The following SH3BGRL2 variants were observed in gnomAD, a reference collection of about 807,000 sequenced individuals.
The protein encoded by SH3BGRL2 is SH3 domain-binding glutamic acid-rich-like protein 2.
Under a neutral mutation model 14.8 loss-of-function variants are expected in SH3BGRL2, and 21 were observed. The observed-to-expected ratio is 1.42, with a 90% CI of 1.01 to 2.05. SH3BGRL2 has a LOEUF of 2.05. SH3BGRL2 is among the 30% of genes most tolerant of loss of function. SH3BGRL2 has a pLI of 0.00. For missense variants in SH3BGRL2, 147 were observed against 130.8 expected (o/e 1.12, Z -0.61); for synonymous variants, 50 against 47.8 (o/e 1.05, Z -0.19).
At chr6:79,696,439 A>T (rs1226988672) in intron 2 of SH3BGRL2, 46 bp from the exon 3 acceptor site, 1 of 1,354,312 alleles carries the variant, frequency 7.4e-7, no homozygotes, top group Non-Finnish European at 1.0e-6. Context: ...TATAAAGATA[A>T]TTGTTTGCTT....
intron 2 of SH3BGRL2, 139 bp from the exon 3 acceptor site, chr6:79,696,346 C>T (rs1770331826): frequency 3.4e-6 from 2 of 589,272 alleles, no homozygotes; most frequent in Non-Finnish European, 5.8e-6. Flanking sequence ...ACTAATTCAG[C>T]AGATTTATTT....
At chr6:79,602,012 G>A in the SH3BGRL2 span, among the ~76,000 whole-genome samples, 12 of 152,132 alleles carry the variant, frequency 7.9e-5, no homozygotes, top group South Asian at 8.3e-4. Flanking sequence ...CTTCCTAGCC[G>A]CCAAAGTAAA....
the SH3BGRL2 span, among the ~76,000 whole-genome samples, chr6:79,580,854 G>C: frequency 0.097 from 14,755 of 152,148 alleles, 830 homozygotes; most frequent in Non-Finnish European, 0.12. Context: ...CCAGGAGCTG[G>C]TTTCTTTAAA....
At chr6:79,666,828 G>T (rs1161122283) in intron 1 of SH3BGRL2, among the ~76,000 whole-genome samples, 1 of 152,190 alleles carries the variant, frequency 6.6e-6, no homozygotes, top group Non-Finnish European at 1.5e-5. Flanking sequence ...AATAAAGAAA[G>T]CTGTGTGTTT....
chr6:79,541,861 C>T, the SH3BGRL2 span, among the ~76,000 whole-genome samples: 1 of 152,264 alleles, frequency 6.6e-6, no homozygotes, highest in South Asian at 2.1e-4. Flanking sequence ...GTCTGGTGGG[C>T]TTGTTTTCAC....
intron 2 of SH3BGRL2, among the ~76,000 whole-genome samples, chr6:79,678,419 T>C (rs986906375): frequency 2.0e-5 from 3 of 152,198 alleles, no homozygotes; most frequent in Non-Finnish European, 4.4e-5. Context: ...TTCTTTCACT[T>C]AGCATATCTT....
chr6:79,652,334 T>C (rs1769313104), intron 1 of SH3BGRL2, among the ~76,000 whole-genome samples: 1 of 152,204 alleles, frequency 6.6e-6, no homozygotes, highest in African/African-American at 2.4e-5. Context: ...TACTGAGTAA[T>C]TTTATCAACT....
the SH3BGRL2 span, among the ~76,000 whole-genome samples, chr6:79,578,072 G>A: frequency 1.3e-5 from 2 of 152,382 alleles, no homozygotes; most frequent in African/African-American, 4.8e-5. Flanking sequence ...TGGGAGAGGG[G>A]CATCTGCCAT....
At chr6:79,657,723 TCTCCTGCCTCAGC>T (rs1041060271) in intron 1 of SH3BGRL2, among the ~76,000 whole-genome samples, 2 of 152,054 alleles carry the variant, frequency 1.3e-5, no homozygotes, top group African/African-American at 4.8e-5. Flanking sequence ...TTCAAGCGAT[TCTCCTGCCTCAGC>T]CTCCTGAGTA....
chr6:79,668,111 T>C (rs1232456532), intron 1 of SH3BGRL2, among the ~76,000 whole-genome samples: 1 of 152,148 alleles, frequency 6.6e-6, no homozygotes, highest in Non-Finnish European at 1.5e-5. Flanking sequence ...AATTCAAACA[T>C]GGCTAGACGT....
the SH3BGRL2 span, among the ~76,000 whole-genome samples, chr6:79,602,917 C>A: frequency 6.6e-6 from 1 of 152,038 alleles, no homozygotes; most frequent in African/African-American, 2.4e-5. Context: ...TTCTAGTCTT[C>A]TGAGACAGAG....
chr6:79,687,128 C>G (rs1770112764), intron 2 of SH3BGRL2, among the ~76,000 whole-genome samples: 1 of 152,190 alleles, frequency 6.6e-6, no homozygotes, highest in Non-Finnish European at 1.5e-5. Context: ...AAATGTACTT[C>G]TTTTATACAT....
At chr6:79,562,249 T>C in the SH3BGRL2 span, among the ~76,000 whole-genome samples, 2 of 152,156 alleles carry the variant, frequency 1.3e-5, no homozygotes, top group South Asian at 2.1e-4. Flanking sequence ...TATACACATA[T>C]ATAATTTTAG....
intron 2 of SH3BGRL2, among the ~76,000 whole-genome samples, chr6:79,674,092 G>GTGTA (rs142790755): frequency 0.23 from 35,475 of 151,590 alleles, 4,234 homozygotes; most frequent in East Asian, 0.32. Flanking sequence ...CTGTGTATGT[G>GTGTA]TGTATGTATG....
intron 2 of SH3BGRL2, among the ~76,000 whole-genome samples, chr6:79,691,945 T>G (rs1419797924): frequency 6.6e-6 from 1 of 151,940 alleles, no homozygotes; most frequent in African/African-American, 2.4e-5. Flanking sequence ...ACTTCCACAA[T>G]GGTTGAACTA....
chr6:79,579,378 A>C, the SH3BGRL2 span, among the ~76,000 whole-genome samples: 1 of 152,198 alleles, frequency 6.6e-6, no homozygotes, highest in Non-Finnish European at 1.5e-5. Context: ...TGAAGGAAAA[A>C]GTGTTAAGGG....
intron 2 of SH3BGRL2, among the ~76,000 whole-genome samples, chr6:79,681,635 T>C (rs1769989628): frequency 6.6e-6 from 1 of 152,162 alleles, no homozygotes; most frequent in Non-Finnish European, 1.5e-5. Context: ...TTGTGGAGGC[T>C]CAGAAGCAGA....
In SH3BGRL2 at chr6:79,642,652, A is replaced by T. The variant is rs78387189; in HGVS notation, c.45+11146A>T. Among the ~76,000 whole-genome samples, 17 of 152,266 alleles carry T rather than the reference A, an allele frequency of 1.1e-4. No homozygotes were observed. The South Asian group carries it at 1.4e-3, about 13-fold the overall frequency. ...GCCATCCCTGCCTTAAACTTCATGT[A>T]TTTAGACTCTGTCTTTCAGATTCTT... On this transcript the variant is annotated intron_variant, in intron 1 of 3. Transcript: ENST00000369838.
At chr6:79,539,042 A>C in the SH3BGRL2 span, among the ~76,000 whole-genome samples, 3 of 152,210 alleles carry the variant, frequency 2.0e-5, no homozygotes, top group African/African-American at 7.2e-5. Context: ...AAAATATTTA[A>C]GACGCTGGGA....
Sources: gnomAD v4.1 joint callset for allele counts (sites outside exome capture counted in the v4.1 genomes callset) on GRCh38, gnomAD v4.1.1 for gene constraint, MANE v1.5 for transcripts, NCBI Gene and HGNC (gene_info 2026-07-23, HGNC 2026-07-21) for gene names.